Variants in LOXHD1 observed in about 807,000 individuals in gnomAD.
The protein encoded by LOXHD1 is lipoxygenase homology domain-containing protein 1.
Under a neutral mutation model 248.2 loss-of-function variants are expected in LOXHD1, and 205 were observed. The ratio of observed to expected loss-of-function variants is 0.83; its 90% confidence interval spans 0.74 to 0.93. The LOEUF (loss-of-function observed/expected upper bound fraction) is 0.93. Among genes scored for constraint, LOXHD1 ranks in the 40% least tolerant of loss-of-function variants. The pLI, the probability that LOXHD1 is intolerant of heterozygous loss-of-function variation, is 0.00. For synonymous variants in LOXHD1, 1,113 were observed against 1,162.8 expected, an observed-to-expected ratio of 0.96 and a Z score of 0.87; for missense variants, 2,930 against 2,971.6, an observed-to-expected ratio of 0.99 and a Z score of 0.33.
intron 21 of LOXHD1, among the ~76,000 whole-genome samples, chr18:46,551,172 G>A (rs376159251): frequency 7.6e-4 from 114 of 150,100 alleles, no homozygotes; most frequent in African/African-American, 2.6e-3. Flanking sequence ...GCGCAATCTC[G>A]GCTCACTGCA....
rs2038969370 is a variant in LOXHD1, at chr18:46,642,043, T to C, written c.246-7A>G. 1 of 1,552,072 alleles carries C rather than the reference T, an allele frequency of 6.4e-7. No homozygotes were observed. Among genetic ancestry groups the C allele is most frequent in the Non-Finnish European group, 8.7e-7 (1 of 1,146,956 alleles). On this transcript the variant is annotated splice_region_variant and splice_polypyrimidine_tract_variant and intron_variant, in intron 2 of 40. Transcript: ENST00000642948. Reference sequence around the variant, plus strand: ...CTCAAAGGCAGACTTGCTCCTGCAATGAACACGTGCAGTTAGTGCAGATCA... The same window carrying C: ...CTCAAAGGCAGACTTGCTCCTGCAACGAACACGTGCAGTTAGTGCAGATCA...
At position 46,542,719 on chromosome 18, in the gene LOXHD1, A is replaced by C; in HGVS notation, c.3748+8T>G. 6.4e-7 allele frequency: 1 copy of C among 1,551,564 alleles called. No individual in the cohort carries two copies. Among genetic ancestry groups the C allele is most frequent in the East Asian group, 2.4e-5 (1 of 40,916 alleles). Reference sequence around the variant, plus strand: ...CTTAGCAAGGAACAGAGGGGAGGGAAGCCACACCTGTGTTGTCATGGCCAA... The same window carrying C: ...CTTAGCAAGGAACAGAGGGGAGGGACGCCACACCTGTGTTGTCATGGCCAA... On this transcript the variant is annotated splice_region_variant and intron_variant, in intron 24 of 40. Coordinates refer to ENST00000642948, the MANE Select transcript of LOXHD1 (RefSeq NM_001384474.1).
At position 46,545,307 on chromosome 18, in the gene LOXHD1, G is replaced by A. The variant is rs759674947; in HGVS notation, c.3619+10C>T. On this transcript the variant is annotated intron_variant, in intron 23 of 40. Transcript: ENST00000642948. ...TGTGGGTGAATCTTGGCCCTGCACT[G>A]CTTTCTTACCAGTGTCATCCTGTGT... The A allele has an allele frequency of 1.9e-6, 3 of 1,543,518 alleles. No individual in the cohort carries two copies. The African/African-American group carries it at 4.1e-5, about 21-fold the overall frequency.
At chr18:46,615,237 C>T (rs1384808865) in intron 5 of LOXHD1, among the ~76,000 whole-genome samples, 3 of 152,204 alleles carry the variant, frequency 2.0e-5, no homozygotes, top group African/African-American at 4.8e-5. Flanking sequence ...AGGAAAGAGG[C>T]TAGCCTTCTC....
intron 13 of LOXHD1, among the ~76,000 whole-genome samples, chr18:46,578,339 C>A (rs952400320): frequency 3.3e-5 from 5 of 152,178 alleles, no homozygotes; most frequent in Non-Finnish European, 5.9e-5. Flanking sequence ...CATGAGCACA[C>A]CTGGGAGCCT....
chr18:46,572,321 G>A (rs1201998244), intron 14 of LOXHD1, among the ~76,000 whole-genome samples, 159 bp from the exon 15 acceptor site: 1 of 152,228 alleles, frequency 6.6e-6, no homozygotes, highest in Non-Finnish European at 1.5e-5. Flanking sequence ...CTAGCCTGGA[G>A]TGGGAAAGGA....
In LOXHD1 at chr18:46,592,551, T is replaced by G. The variant is rs769775884; in HGVS notation, c.1465A>C (p.Ile489Leu). The G allele has an allele frequency of 1.9e-6, 3 of 1,551,598 alleles. No individual in the cohort carries two copies. The South Asian group carries it at 3.6e-5, about 18-fold the overall frequency. The change falls in exon 11 of 41, where the codon ATT becomes CTT. Residue 489 changes from isoleucine to leucine, a missense_variant. Ile to Leu is a conservative substitution (Grantham distance 5, BLOSUM62 2). Transcript: ENST00000642948. ...CTCCTTTTATCATGCCATACTCGAATCTTATAAAACCTGCCAAGATCCGGG... is the reference window on the plus strand; with the variant it reads ...CTCCTTTTATCATGCCATACTCGAAGCTTATAAAACCTGCCAAGATCCGGG... ...ELPDLGRFYK[I>L]RVWHDKRSSG...
At chr18:46,643,977 GAGA>G (rs757019300) in intron 2 of LOXHD1, among the ~76,000 whole-genome samples, 10 of 152,216 alleles carry the variant, frequency 6.6e-5, no homozygotes, top group African/African-American at 2.4e-4. Flanking sequence ...ACAATGGAGT[GAGA>G]AGATTTACTT....
chr18:46,498,264 C>G (rs938378385), intron 37 of LOXHD1, among the ~76,000 whole-genome samples: 3 of 152,164 alleles, frequency 2.0e-5, no homozygotes, highest in African/African-American at 4.8e-5. Context: ...GATGGGACTG[C>G]ACTCTGATAT....
rs778793587 is a variant in LOXHD1, at chr18:46,518,099, G to A, written c.5399+30C>T. The A allele has an allele frequency of 2.3e-5, 35 of 1,550,442 alleles. No individual in the cohort carries two copies. In the African/African-American group the frequency reaches 3.7e-4, roughly 16 times the overall value. On this transcript the variant is annotated intron_variant, in intron 34 of 40. Transcript: ENST00000642948. ...AGAGGGGGAGAGTTGAATGTGGGAG[G>A]GGTGAGGGGCAGGGGCCGCCTCCAG...
At position 46,505,883 on chromosome 18, in the gene LOXHD1, T is replaced by C. The variant is rs1295753830; in HGVS notation, c.5833A>G (p.Ser1945Gly). The C allele has an allele frequency of 6.4e-7, 1 of 1,551,736 alleles. No homozygotes were observed. Among genetic ancestry groups the C allele is most frequent in the East Asian group, 2.4e-5 (1 of 40,908 alleles). Residue 1945 changes from serine to glycine, a missense_variant, in exon 37 of 41, where the codon AGC becomes GGC. Transcript: ENST00000642948. ...CTCAGCTTGCAGAGGTGGCCCAAGCTCAGCATGTCAGGGAAGTTGAATGTG... is the reference window on the plus strand; with the variant it reads ...CTCAGCTTGCAGAGGTGGCCCAAGCCCAGCATGTCAGGGAAGTTGAATGTG... ...TDTFNFPDMLSLGHLCKLRVW... is the reference protein window; with the variant it reads ...TDTFNFPDMLGLGHLCKLRVW...
rs538493143 is a variant in LOXHD1 at position 46,569,395 on chromosome 18, C to T, written c.2244+47G>A. On this transcript the variant is annotated intron_variant, in intron 16 of 40. Coordinates refer to ENST00000642948, the MANE Select transcript of LOXHD1 (RefSeq NM_001384474.1). The stretch of plus-strand genomic sequence containing the variant: ...GTGTGGACACGTGTGAATGTGTGTT[C>T]GGAAATGGGTGGGATGATGTCACAT... 2.6e-5 allele frequency: 39 copies of T among 1,495,874 alleles called. No homozygotes were observed. In the East Asian group the frequency reaches 3.2e-4, roughly 12 times the overall value. 92.7% of individuals were successfully genotyped at this position (1,495,874 alleles called of 1,614,324 possible). A position where few individuals can be genotyped will look rare whatever the true frequency, so the allele number is the denominator to read the frequency against.
rs997256255 is a variant in LOXHD1, at chr18:46,560,175, T to A, written c.2969A>T (p.His990Leu). 3.2e-6 allele frequency: 5 copies of A among 1,551,512 alleles called. No individual in the cohort carries two copies. Among genetic ancestry groups the A allele is most frequent in the Non-Finnish European group, 4.4e-6 (5 of 1,146,982 alleles). The change falls in exon 19 of 41, where the codon CAC (histidine) becomes CTC (leucine). Residue 990 changes from histidine to leucine, a missense_variant. By Grantham distance (99) the His-to-Leu change is moderately conservative. Coordinates refer to ENST00000642948, the MANE Select transcript of LOXHD1 (RefSeq NM_001384474.1). ...GPGMQEVIEQHKFEAHRWLAR... is the reference protein window; with the variant it reads ...GPGMQEVIEQLKFEAHRWLAR... ...CAGCCAGCGGTGGGCTTCGAACTTG[T>A]GCTGCTCAATCACCTCCTGCATCCC...
intron 15 of LOXHD1, 119 bp downstream of exon 15, chr18:46,571,967 C>G: frequency 1.2e-6 from 1 of 855,604 alleles, no homozygotes; most frequent in Non-Finnish European, 1.9e-6. Flanking sequence ...CCTCTCCTCC[C>G]TCCCCACTGC....
intron 33 of LOXHD1, chr18:46,520,864 C>T (rs1416707556): frequency 1.5e-5 from 8 of 543,882 alleles, no homozygotes; most frequent in Non-Finnish European, 2.6e-5. Context: ...TATGGGAAGA[C>T]CAAGGCCCAG....
chr18:46,482,341 T>C (rs957986545), intron 40 of LOXHD1, among the ~76,000 whole-genome samples: 3 of 152,054 alleles, frequency 2.0e-5, no homozygotes, highest in African/African-American at 7.2e-5. Flanking sequence ...GCCCTTATGA[T>C]GGAATTAGTG....
chr18:46,627,998 A>C (rs903086075), intron 4 of LOXHD1, among the ~76,000 whole-genome samples: 1 of 152,210 alleles, frequency 6.6e-6, no homozygotes, highest in African/African-American at 2.4e-5. Context: ...TGGTGCATAG[A>C]AGGCTCCCCG....
At chr18:46,478,728 T>C (rs1401064715) in intron 40 of LOXHD1, among the ~76,000 whole-genome samples, 1 of 152,198 alleles carries the variant, frequency 6.6e-6, no homozygotes. Context: ...GGTATCAATT[T>C]GCTACCCAGG....
intron 37 of LOXHD1, among the ~76,000 whole-genome samples, chr18:46,504,211 T>C (rs1290194574): frequency 6.6e-6 from 1 of 152,116 alleles, no homozygotes; most frequent in East Asian, 1.9e-4. Context: ...CCTCAAGTGA[T>C]CCTCTCATCT....
Sources: allele counts gnomAD v4.1 joint callset (sites outside exome capture counted in the v4.1 genomes callset), GRCh38; gene constraint gnomAD v4.1.1; transcripts MANE v1.5; gene names NCBI Gene and HGNC (gene_info 2026-07-23, HGNC 2026-07-21).